Variants in C14orf119 observed in about 807,000 individuals in gnomAD.
C14orf119 encodes the protein uncharacterized protein C14orf119.
In C14orf119, 17 loss-of-function variants were observed where a neutral mutation model predicts 13.5. The observed-to-expected ratio is 1.26, with a 90% CI of 0.86 to 1.88. The LOEUF is 1.88. Among genes scored for constraint, C14orf119 ranks in the 40% most tolerant of loss-of-function variants. C14orf119 has a pLI of 0.00. For synonymous variants in C14orf119, 61 were observed against 61.9 expected (o/e 0.99, Z 0.07); for missense variants, 162 against 165.9 (o/e 0.98, Z 0.13).
rs2048411034 is a variant in C14orf119 at position 23,099,280 on chromosome 14, C to T, written c.*1199C>T. ...TTACCCCCTGTCATGTTCTGGGCAA[C>T]ATCACACCTCCCTTATTCCTCTAAC... On this transcript the variant is annotated 3_prime_UTR_variant, in exon 2 of 2. Transcript: ENST00000319074. 4.8e-6 allele frequency: 2 copies of T among 413,518 alleles called. No homozygotes were observed. The highest frequency in any genetic ancestry group is 1.3e-4 in the South Asian group (1 of 7,862). 25.6% of individuals were successfully genotyped at this position (413,518 alleles called of 1,614,324 possible). A position where few individuals can be genotyped will look rare whatever the true frequency, so the allele number is the denominator to read the frequency against.
Position 23,097,891 on chromosome 14 carries a change from A to T in C14orf119, c.233A>T (p.Glu78Val). Reference protein sequence around the residue: ...EKLQPLLDSLEQLSVSGADRP... With the variant: ...EKLQPLLDSLVQLSVSGADRP... Reference sequence around the variant, plus strand: ...TTACAACCACTGCTGGATAGTCTGGAGCAGCTTAGTGTGTCTGGGGCAGAC... The same window carrying T: ...TTACAACCACTGCTGGATAGTCTGGTGCAGCTTAGTGTGTCTGGGGCAGAC... The change falls in exon 2 of 2, where the codon GAG becomes GTG. Residue 78 changes from glutamate (E) to valine (V), a missense_variant. By Grantham distance (121) the Glu-to-Val change is moderately radical. Coordinates refer to ENST00000319074, the MANE Select transcript of C14orf119 (RefSeq NM_017924.4). 6.2e-7 allele frequency: 1 copy of T among 1,614,124 alleles called. No homozygotes were observed. The highest frequency in any genetic ancestry group is 1.1e-5 in the South Asian group (1 of 91,084).
At chr14:23,097,632 C>T (rs1319328682) in intron 1 of C14orf119, 26 bp from the exon 2 acceptor site, 3 of 1,603,492 alleles carry the variant, frequency 1.9e-6, no homozygotes, top group Non-Finnish European at 2.6e-6. Context: ...ACCTGGAGAG[C>T]ATATAACAGT....
chr14:23,099,145 A>G lies in C14orf119; in HGVS notation c.*1064A>G. 2.4e-6 allele frequency: 1 copy of G among 411,226 alleles called. No individual in the cohort carries two copies. Among genetic ancestry groups the G allele is most frequent in the Non-Finnish European group, 4.4e-6 (1 of 225,310 alleles). The allele number at this position is 411,226 out of a possible 1,614,324, so 25.5% of individuals were successfully genotyped here. A position where few individuals can be genotyped will look rare whatever the true frequency, so the allele number is the denominator to read the frequency against. On this transcript the variant is annotated 3_prime_UTR_variant, in exon 2 of 2. Coordinates refer to ENST00000319074, the MANE Select transcript of C14orf119 (RefSeq NM_017924.4). ...AAAACTTCACCCTTTTTTCATTGCC[A>G]GGCTATATAATATTGACAACCGGGG...
Sources: allele counts gnomAD v4.1 joint callset, GRCh38; gene constraint gnomAD v4.1.1; transcripts MANE v1.5; gene names NCBI Gene and HGNC (gene_info 2026-07-23, HGNC 2026-07-21).